C2CD2: variants seen among roughly 807,000 people sequenced by gnomAD.
C2CD2 encodes C2 calcium dependent domain containing 2, also known as C2 domain-containing protein 2.
Under a neutral mutation model 74.3 loss-of-function variants are expected in C2CD2, and 43 were observed. That is an observed-to-expected ratio of 0.58 (90% CI 0.45 to 0.75). The LOEUF (loss-of-function observed/expected upper bound fraction) is 0.75, where lower values mean the gene tolerates loss of function less well. Ranked by LOEUF, C2CD2 falls within the 30% of genes least tolerant of loss-of-function variation. C2CD2 has a pLI of 0.00. For synonymous variants in C2CD2, 422 were observed against 390.7 expected (o/e 1.08, Z -0.94); for missense variants, 801 against 916.3 (o/e 0.87, Z 1.63).
At chr21:41,928,562 A>AAAAAAAAAAC (rs2065236212) in intron 2 of C2CD2, among the ~76,000 whole-genome samples, 1 of 150,950 alleles carries the variant, frequency 6.6e-6, no homozygotes, top group African/African-American at 2.4e-5. Context: ...AAAAAAAAAA[A>AAAAAAAAAAC]AAAAAAGACA....
chr21:41,943,000 G>A (rs7279279), intron 1 of C2CD2: 300,862 of 964,930 alleles, frequency 0.31, 48,310 homozygotes, highest in Non-Finnish European at 0.33. Context: ...GGTTCTTCCA[G>A]TTAAAAATCT....
In C2CD2 at chr21:41,953,965, G is replaced by C. The variant is rs1274332163; in HGVS notation, c.-317C>G. The C allele has an allele frequency of 1.3e-5, 2 of 149,530 alleles. No individual in the cohort carries two copies. The highest frequency in any genetic ancestry group is 2.4e-5 in the African/African-American group (1 of 41,010). The allele number at this position is 149,530 out of a possible 1,614,324, so 9.3% of individuals were successfully genotyped here. ...CGCTGCGGGCCGCGCTTCCTCCTGC[G>C]CGCGCCGCCCCGGGCGTCCCGCCCG... On this transcript the variant is annotated 5_prime_UTR_variant, in exon 1 of 14. Transcript: ENST00000380486.
chr21:41,902,203 T>A (rs1407043320), intron 11 of C2CD2, among the ~76,000 whole-genome samples: 3 of 152,336 alleles, frequency 2.0e-5, no homozygotes, highest in South Asian at 4.1e-4. Context: ...AAAAAAAAAA[T>A]ATCTAACCCT....
intron 13 of C2CD2, among the ~76,000 whole-genome samples, chr21:41,890,706 A>G (rs1042836361): frequency 5.3e-5 from 8 of 152,242 alleles, no homozygotes; most frequent in African/African-American, 1.9e-4. Context: ...GCAAATCGCC[A>G]CCCATGTTGA....
chr21:41,944,822 G>A (rs1441044201), intron 1 of C2CD2, among the ~76,000 whole-genome samples: 1 of 152,124 alleles, frequency 6.6e-6, no homozygotes, highest in East Asian at 1.9e-4. Context: ...GAATTGCCAG[G>A]AAAACACTGA....
In C2CD2 at chr21:41,924,675, C is replaced by T. The variant is rs1279739893; in HGVS notation, c.379-2590G>A. On this transcript the variant is annotated intron_variant, in intron 2 of 13. Coordinates refer to ENST00000380486, the MANE Select transcript of C2CD2 (RefSeq NM_015500.2). This position sits in a 1 kb window ranked among gnomAD's most constrained non-coding sequence, Gnocchi z 4.4. ...CCCTGTCCTTGGTCTCAACAGCCCA[C>T]TCCTTTTACTGCTTAAAGTAAAAAA... 6.6e-6 allele frequency among the ~76,000 whole-genome samples: 1 copy of T among 152,092 alleles called. No homozygotes were observed. The highest frequency in any genetic ancestry group is 1.9e-4 in the East Asian group (1 of 5,204).
At chr21:41,905,630 T>C in intron 11 of C2CD2, 94 bp downstream of exon 11, 1 of 676,464 alleles carries the variant, frequency 1.5e-6, no homozygotes, top group Non-Finnish European at 2.5e-6. Flanking sequence ...AAACAACTTT[T>C]TCCAAATTCT....
intron 2 of C2CD2, among the ~76,000 whole-genome samples, chr21:41,935,430 T>C (rs2065298879): frequency 6.6e-6 from 1 of 152,340 alleles, no homozygotes; most frequent in South Asian, 2.1e-4. Flanking sequence ...ATTGATTTTA[T>C]GATAATAGCG....
Position 41,907,783 on chromosome 21 carries a change from A to G in C2CD2, c.1020T>C (p.Gly340=). ...GAGGAACTGTCGCCGTCGCCAGCAGACCTGAAAAGATAGGAGACAGGCAAG... is the reference window on the plus strand; with the variant it reads ...GAGGAACTGTCGCCGTCGCCAGCAGGCCTGAAAAGATAGGAGACAGGCAAG... The part of the protein sequence containing the change: ...QISEAGRSSE[G]LLATATVPLD... The change falls in exon 9 of 14, where the codon GGT becomes GGC. Residue 340 remains glycine (G), a splice_region_variant and synonymous_variant. Transcript: ENST00000380486. The G allele has an allele frequency of 2.5e-6, 4 of 1,613,968 alleles. No individual in the cohort carries two copies. Among genetic ancestry groups the G allele is most frequent in the Non-Finnish European group, 3.4e-6 (4 of 1,179,992 alleles).
intron 13 of C2CD2, among the ~76,000 whole-genome samples, chr21:41,890,963 T>C (rs990194853): frequency 1.3e-5 from 2 of 152,194 alleles, no homozygotes; most frequent in Non-Finnish European, 2.9e-5. Context: ...AAGGCCGCAA[T>C]GGACTGAATT....
At chr21:41,935,617 A>G (rs1163663657) in intron 2 of C2CD2, among the ~76,000 whole-genome samples, 2 of 152,158 alleles carry the variant, frequency 1.3e-5, no homozygotes, top group Non-Finnish European at 2.9e-5. Flanking sequence ...CTGTAATCCC[A>G]GCACTTTGGG....
chr21:41,909,599 TG>T, intron 7 of C2CD2, 76 bp from the exon 8 acceptor site: 1 of 1,014,920 alleles, frequency 9.9e-7, no homozygotes, highest in South Asian at 1.3e-5. Context: ...GTGTTTTTTC[TG>T]ATTATAGAAA....
intron 5 of C2CD2, among the ~76,000 whole-genome samples, chr21:41,915,003 C>A (rs9979778): frequency 0.56 from 85,663 of 152,026 alleles, 26,440 homozygotes; most frequent in Middle Eastern, 0.73. Flanking sequence ...AGGGTTCCCA[C>A]AACTTACTTA....
Position 41,926,529 on chromosome 21 carries a change from G to A in C2CD2, c.379-4444C>T, listed in dbSNP as rs754479357. 20 of 713,172 alleles carry A rather than the reference G, an allele frequency of 2.8e-5. No individual in the cohort carries two copies. The highest frequency in any genetic ancestry group is 3.4e-5 in the Non-Finnish European group (20 of 581,288). 44.2% of individuals were successfully genotyped at this position (713,172 alleles called of 1,614,324 possible). A position where few individuals can be genotyped will look rare whatever the true frequency, so the allele number is the denominator to read the frequency against. On this transcript the variant is annotated intron_variant, in intron 2 of 13. Coordinates refer to ENST00000380486, the MANE Select transcript of C2CD2 (RefSeq NM_015500.2). This position sits in a 1 kb window ranked among gnomAD's most constrained non-coding sequence, Gnocchi z 8.0. ...GGAGGCCTTCATTCACCTTCTCGGTGCTCTCTCCAGCCTCAACACCTTGAC... is the reference window on the plus strand; with the variant it reads ...GGAGGCCTTCATTCACCTTCTCGGTACTCTCTCCAGCCTCAACACCTTGAC...
Position 41,897,119 on chromosome 21 carries a change from G to A in C2CD2, c.1870+1934C>T, listed in dbSNP as rs117467937. Among the ~76,000 whole-genome samples, 24 of 152,368 alleles carry A rather than the reference G, an allele frequency of 1.6e-4. No individual in the cohort carries two copies. In the East Asian group the frequency reaches 4.4e-3, roughly 28 times the overall value. On this transcript the variant is annotated intron_variant, in intron 13 of 13. Transcript: ENST00000380486. ...TGGACCCCTCATCCACCTGGCCCGT[G>A]AAGGGAGAGGAGCAGGGTGGGTGAC...
At chr21:41,952,772 T>C (rs973204737) in intron 1 of C2CD2, among the ~76,000 whole-genome samples, 1 of 152,198 alleles carries the variant, frequency 6.6e-6, no homozygotes, top group African/African-American at 2.4e-5. Flanking sequence ...TCTCCGGGCC[T>C]TGGTTTCCTC....
Position 41,918,206 on chromosome 21 carries a change from C to T in C2CD2, c.619G>A (p.Ala207Thr), listed in dbSNP as rs1237739443. The T allele has an allele frequency of 6.2e-7, 1 of 1,614,140 alleles. No homozygotes were observed. The highest frequency in any genetic ancestry group is 1.7e-5 in the Admixed American group (1 of 60,028). Reference protein sequence around the residue: ...LGEDQVAETSAMSDVLKDILK... With the variant: ...LGEDQVAETSTMSDVLKDILK... ...ATGTCCTTGAGAACGTCAGACATCG[C>T]ACTTGTCTCAGCCACCTGGTCCTGG... The change falls in exon 5 of 14, where the codon GCG becomes ACG. Residue 207 changes from alanine to threonine, a missense_variant. Ala to Thr is a moderately conservative substitution (Grantham distance 58, BLOSUM62 0). Transcript: ENST00000380486.
At chr21:41,927,583 G>T (rs1300687572) in intron 2 of C2CD2, among the ~76,000 whole-genome samples, 1 of 152,084 alleles carries the variant, frequency 6.6e-6, no homozygotes, top group Non-Finnish European at 1.5e-5. Context: ...CGATTCTCCT[G>T]CCTCAGCCTC....
chr21:41,952,378 T>C (rs1006686559), intron 1 of C2CD2, among the ~76,000 whole-genome samples: 25 of 152,160 alleles, frequency 1.6e-4, no homozygotes, highest in Admixed American at 1.3e-4. Context: ...ATTTTGAAGG[T>C]TGATGGGGCC....
Sources: gnomAD v4.1 joint callset for allele counts (sites outside exome capture counted in the v4.1 genomes callset) on GRCh38, gnomAD v4.1.1 for gene constraint, Gnocchi (gnomAD v3.1) non-coding constraint, MANE v1.5 for transcripts, NCBI Gene and HGNC (gene_info 2026-07-23, HGNC 2026-07-21) for gene names.